CIMIP6: variants seen among roughly 807,000 people sequenced by gnomAD.
CIMIP6 encodes the protein uncharacterized protein C2orf73.
the CIMIP6 span, among the ~76,000 whole-genome samples, chr2:54,355,335 C>A: frequency 6.6e-6 from 1 of 152,010 alleles, no homozygotes; most frequent in Non-Finnish European, 1.5e-5. Context: ...ACTGCAAGAT[C>A]GAGAGGAGAG....
the CIMIP6 span, among the ~76,000 whole-genome samples, chr2:54,352,661 A>T: frequency 6.6e-6 from 1 of 152,188 alleles, no homozygotes; most frequent in East Asian, 1.9e-4. Context: ...GATTGGTTTC[A>T]GGACCCCTGT....
chr2:54,361,256 A>G, the CIMIP6 span: 2 of 152,196 alleles, frequency 1.3e-5, no homozygotes, highest in Admixed American at 1.3e-4. Context: ...ATGGGTACTT[A>G]GAATATTGAA....
At chr2:54,343,887 G>C in the CIMIP6 span, 1 of 1,571,740 alleles carries the variant, frequency 6.4e-7, no homozygotes, top group African/African-American at 1.4e-5. Context: ...AGGTTTTGCA[G>C]TGGTAAAAAC....
At chr2:54,367,006 C>A in the CIMIP6 span, among the ~76,000 whole-genome samples, 2 of 151,978 alleles carry the variant, frequency 1.3e-5, no homozygotes, top group Admixed American at 1.3e-4. Flanking sequence ...GTAACTTACC[C>A]AAGGTCACCC....
chr2:54,370,139 C>T, the CIMIP6 span, among the ~76,000 whole-genome samples: 27 of 152,080 alleles, frequency 1.8e-4, no homozygotes, highest in Admixed American at 1.6e-3. Flanking sequence ...CTTGTAATCT[C>T]GGCTTCTCGG....
the CIMIP6 span, among the ~76,000 whole-genome samples, chr2:54,343,165 A>G: frequency 7.9e-5 from 12 of 152,312 alleles, no homozygotes; most frequent in East Asian, 1.5e-3. Flanking sequence ...ATAAAATAGA[A>G]TAGAAAAATA....
At chr2:54,340,357 T>G in the CIMIP6 span, among the ~76,000 whole-genome samples, 1 of 152,186 alleles carries the variant, frequency 6.6e-6, no homozygotes, top group Non-Finnish European at 1.5e-5. Context: ...TTTTTGTTAG[T>G]CTTTCCCTTC....
the CIMIP6 span, chr2:54,382,021 G>A: frequency 6.7e-7 from 1 of 1,502,348 alleles, no homozygotes; most frequent in Non-Finnish European, 8.9e-7. Context: ...TAATGAGGAA[G>A]CTAAGGCCCA....
At chr2:54,382,556 A>C in the CIMIP6 span, among the ~76,000 whole-genome samples, 67 of 152,142 alleles carry the variant, frequency 4.4e-4, no homozygotes, top group African/African-American at 1.6e-3. Context: ...TATCCTCTCC[A>C]GTATCTCTAC....
At chr2:54,369,598 C>T in the CIMIP6 span, among the ~76,000 whole-genome samples, 3 of 152,172 alleles carry the variant, frequency 2.0e-5, no homozygotes. Context: ...TTTTCACTGG[C>T]AAATCAAAAT....
chr2:54,371,303 T>C, the CIMIP6 span, among the ~76,000 whole-genome samples: 1 of 152,174 alleles, frequency 6.6e-6, no homozygotes, highest in Non-Finnish European at 1.5e-5. Context: ...AGCAAGAGGG[T>C]GTACCCTGCA....
the CIMIP6 span, among the ~76,000 whole-genome samples, chr2:54,361,979 G>T: frequency 6.6e-6 from 1 of 152,154 alleles, no homozygotes; most frequent in Non-Finnish European, 1.5e-5. Context: ...ATATAACCAG[G>T]AAGATAGCAA....
At chr2:54,372,420 C>T in the CIMIP6 span, among the ~76,000 whole-genome samples, 21 of 152,174 alleles carry the variant, frequency 1.4e-4, no homozygotes, top group Non-Finnish European at 2.4e-4. Context: ...TTGTAAAACA[C>T]GGCCTCAGGC....
chr2:54,338,488 G>A, the CIMIP6 span, among the ~76,000 whole-genome samples: 6 of 74,136 alleles, frequency 8.1e-5, 3 homozygotes, highest in African/African-American at 2.7e-4. Flanking sequence ...GAACTTAAAT[G>A]TACTCATTTC....
the CIMIP6 span, among the ~76,000 whole-genome samples, chr2:54,332,623 C>T: frequency 6.6e-5 from 10 of 152,182 alleles, no homozygotes; most frequent in Admixed American, 1.3e-4. Context: ...AGAGATTGCT[C>T]GAGTCATATA....
the CIMIP6 span, among the ~76,000 whole-genome samples, chr2:54,378,583 A>AT: frequency 6.6e-6 from 1 of 152,254 alleles, no homozygotes; most frequent in Admixed American, 6.5e-5. Context: ...AGAAACAGAA[A>AT]TGCCCAGCTT....
At chr2:54,352,474 C>A in the CIMIP6 span, among the ~76,000 whole-genome samples, 1,521 of 152,244 alleles carry the variant, frequency 1.0e-2, 27 homozygotes, top group African/African-American at 0.035. Context: ...ACAAAACATC[C>A]TTACAACATG....
the CIMIP6 span, among the ~76,000 whole-genome samples, chr2:54,366,577 A>G: frequency 1.3e-5 from 2 of 152,206 alleles, no homozygotes; most frequent in African/African-American, 4.8e-5. Context: ...ACATAGACGC[A>G]TAATAGTGAA....
the CIMIP6 span, among the ~76,000 whole-genome samples, chr2:54,347,329 C>T: frequency 6.6e-6 from 1 of 152,198 alleles, no homozygotes; most frequent in East Asian, 1.9e-4. Context: ...GAAATAGAAA[C>T]TGGAAATGAT....
Sources: gnomAD v4.1 joint callset for allele counts (sites outside exome capture counted in the v4.1 genomes callset) on GRCh38, gnomAD v4.1.1 for gene constraint, MANE v1.5 for transcripts, NCBI Gene and HGNC (gene_info 2026-07-23, HGNC 2026-07-21) for gene names.